Variants in UBA6 observed in about 807,000 individuals in gnomAD.
The protein encoded by UBA6 is ubiquitin-like modifier-activating enzyme 6.
UBA6 carries 87 observed loss-of-function variants against 148.3 expected under a neutral mutation model. That is an observed-to-expected ratio of 0.59 (90% CI 0.49 to 0.70). The LOEUF (loss-of-function observed/expected upper bound fraction) is 0.70. Among genes scored for constraint, UBA6 ranks in the 30% least tolerant of loss-of-function variants. The pLI is 0.00. For missense variants in UBA6, 1,186 were observed against 1,241.2 expected (o/e 0.96, Z 0.67); for synonymous variants, 376 against 401.0 (o/e 0.94, Z 0.75).
chr4:67,679,828 G>A (rs1560498889), intron 4 of UBA6, among the ~76,000 whole-genome samples: 1 of 152,006 alleles, frequency 6.6e-6, no homozygotes, highest in Non-Finnish European at 1.5e-5. Flanking sequence ...CATTACGAAC[G>A]TTCTAGCTCT....
intron 19 of UBA6, among the ~76,000 whole-genome samples, chr4:67,637,041 G>A (rs1438607518): frequency 2.0e-5 from 3 of 148,502 alleles, no homozygotes; most frequent in Non-Finnish European, 3.0e-5. Flanking sequence ...CTGCCCGGCC[G>A]CGACCCTGTC....
At chr4:67,648,928 G>T in intron 14 of UBA6, 140 bp downstream of exon 14, 1 of 812,706 alleles carries the variant, frequency 1.2e-6, no homozygotes, top group Non-Finnish European at 1.9e-6. Flanking sequence ...ATCAAGTGTT[G>T]GAGGCATACT....
chr4:67,700,225 T>C (rs969844860), intron 1 of UBA6, among the ~76,000 whole-genome samples: 1 of 152,234 alleles, frequency 6.6e-6, no homozygotes. Flanking sequence ...ACCATGAAAC[T>C]GAAAGCATCC....
At chr4:67,649,257 C>A in intron 13 of UBA6, 46 bp from the exon 14 acceptor site, 2 of 1,526,128 alleles carry the variant, frequency 1.3e-6, no homozygotes, top group Middle Eastern at 1.7e-4. Flanking sequence ...AGCATTTACA[C>A]AGTACACTTA....
At chr4:67,634,732 A>C (rs1010279069) in intron 20 of UBA6, among the ~76,000 whole-genome samples, 1 of 152,094 alleles carries the variant, frequency 6.6e-6, no homozygotes, top group Non-Finnish European at 1.5e-5. Flanking sequence ...GCCAAACATG[A>C]ATCTTATTTA....
intron 2 of UBA6, among the ~76,000 whole-genome samples, chr4:67,685,854 C>T (rs1030523035): frequency 3.9e-5 from 6 of 152,052 alleles, no homozygotes; most frequent in African/African-American, 1.5e-4. Flanking sequence ...CAGATATGAC[C>T]CCTTGATCTT....
intron 12 of UBA6, chr4:67,662,621 G>A (rs1292653829): frequency 4.7e-5 from 9 of 190,536 alleles, no homozygotes; most frequent in East Asian, 4.1e-4. Flanking sequence ...GCACCACCAC[G>A]CCTGGTAATT....
chr4:67,627,014 C>T (rs1728884191), intron 27 of UBA6, among the ~76,000 whole-genome samples: 1 of 152,000 alleles, frequency 6.6e-6, no homozygotes, highest in South Asian at 2.1e-4. Context: ...TATTCACTGA[C>T]TGCTGTTAAG....
intron 9 of UBA6, 145 bp from the exon 10 acceptor site, chr4:67,665,437 T>G (rs868849471): frequency 2.4e-4 from 124 of 515,066 alleles, no homozygotes; most frequent in East Asian, 2.9e-4. Flanking sequence ...GTTTGTTTTT[T>G]TTTTTTTTTA....
At chr4:67,623,305 T>A in intron 30 of UBA6, 83 bp from the exon 31 acceptor site, 1 of 926,754 alleles carries the variant, frequency 1.1e-6, no homozygotes. Flanking sequence ...AAACCCACTT[T>A]CAGAAGTCCA....
intron 2 of UBA6, among the ~76,000 whole-genome samples, chr4:67,690,181 A>T (rs1166278046): frequency 2.0e-5 from 3 of 152,082 alleles, no homozygotes; most frequent in Non-Finnish European, 2.9e-5. Context: ...AAAGTAGTCT[A>T]GTATGGCCAG....
intron 1 of UBA6, among the ~76,000 whole-genome samples, chr4:67,699,280 G>T (rs987878201): frequency 1.1e-4 from 16 of 152,170 alleles, no homozygotes; most frequent in African/African-American, 3.9e-4. Context: ...TCAATTAAAA[G>T]ATTCTAAAAA....
At chr4:67,674,917 T>C (rs1343837136) in intron 6 of UBA6, among the ~76,000 whole-genome samples, 1 of 152,188 alleles carries the variant, frequency 6.6e-6, no homozygotes, top group Non-Finnish European at 1.5e-5. Context: ...CAGGCTGGCG[T>C]GCAGTGGTGC....
chr4:67,656,170 C>A (rs934160105), intron 13 of UBA6, among the ~76,000 whole-genome samples: 4 of 152,200 alleles, frequency 2.6e-5, no homozygotes, highest in African/African-American at 7.2e-5. Context: ...AAGAGGGAAT[C>A]CTCCCTAACT....
chr4:67,662,802 C>G (rs11131719), intron 12 of UBA6: 70,544 of 185,828 alleles, frequency 0.38, 13,684 homozygotes, highest in Middle Eastern at 0.47. Flanking sequence ...AAAACCTTCT[C>G]CAACAGTACT....
chr4:67,685,930 C>A (rs764508179), intron 2 of UBA6, among the ~76,000 whole-genome samples: 23 of 152,142 alleles, frequency 1.5e-4, no homozygotes, highest in Admixed American at 3.3e-4. Flanking sequence ...GGGAAAGGTA[C>A]TAATTAAGTG....
intron 9 of UBA6, 102 bp from the exon 10 acceptor site, chr4:67,665,394 T>G: frequency 1.4e-6 from 1 of 725,416 alleles, no homozygotes; most frequent in Non-Finnish European, 2.2e-6. Context: ...TTTACAAAAT[T>G]AAAGAATTCC....
chr4:67,698,417 A>T (rs1730890945), intron 1 of UBA6, among the ~76,000 whole-genome samples: 1 of 152,240 alleles, frequency 6.6e-6, no homozygotes, highest in South Asian at 2.1e-4. Context: ...CTACATATTT[A>T]AGTGCTTTAG....
In UBA6 at chr4:67,668,584, T is replaced by C. The variant is rs759703130; in HGVS notation, c.760A>G (p.Thr254Ala). 6.2e-7 allele frequency: 1 copy of C among 1,612,824 alleles called. No homozygotes were observed. The highest frequency in any genetic ancestry group is 1.1e-5 in the South Asian group (1 of 91,016). ...TGTTGTATAGATCCATTTAAACCTGTCATTCCATTAATTTCTCGAAATGTT... is the reference window on the plus strand; with the variant it reads ...TGTTGTATAGATCCATTTAAACCTGCCATTCCATTAATTTCTCGAAATGTT... ...FLTFREINGM[T>A]GLNGSIQQIT... Residue 254 changes from threonine to alanine, a missense_variant, in exon 9 of 33, where the codon ACA becomes GCA. By Grantham distance (58) the Thr-to-Ala change is moderately conservative (BLOSUM62 0). Transcript: ENST00000322244.
Sources: gnomAD v4.1 joint callset for allele counts (sites outside exome capture counted in the v4.1 genomes callset) on GRCh38, gnomAD v4.1.1 for gene constraint, MANE v1.5 for transcripts, NCBI Gene and HGNC (gene_info 2026-07-23, HGNC 2026-07-21) for gene names.